The following MUC4 variants were observed in gnomAD, a reference collection of about 807,000 sequenced individuals.
MUC4 encodes mucin-4.
MUC4 carries 202 observed loss-of-function variants against 257.9 expected under a neutral mutation model. The ratio of observed to expected loss-of-function variants is 0.78; its 90% CI spans 0.70 to 0.88. The LOEUF (loss-of-function observed/expected upper bound fraction) is 0.88, where lower values mean the gene tolerates loss of function less well. Ranked by LOEUF, MUC4 falls within the 40% of genes least tolerant of loss-of-function variation. MUC4 has a pLI of 0.00. For synonymous variants in MUC4, 2,351 were observed against 2,757.1 expected (o/e 0.85, Z 4.62); for missense variants, 5,976 against 6,513.7 (o/e 0.92, Z 2.84).
intron 8 of MUC4, 31 bp downstream of exon 8, chr3:195,766,632 C>T: frequency 6.2e-7 from 1 of 1,600,888 alleles, no homozygotes; most frequent in Admixed American, 1.7e-5. Context: ...GGCTTGAGAC[C>T]AGCTCAGGTG....
chr3:195,783,692 G>A lies in MUC4; in HGVS notation c.7888C>T (p.Pro2630Ser). The A allele has an allele frequency of 1.8e-4, 9 of 50,532 alleles. No homozygotes were observed. Among genetic ancestry groups the A allele is most frequent in the South Asian group, 1.1e-3 (8 of 7,438 alleles). 3.1% of individuals were successfully genotyped at this position (50,532 alleles called of 1,614,324 possible). A position where few individuals can be genotyped will look rare whatever the true frequency, so the allele number is the denominator to read the frequency against. ...GDTTPLPVTS[P>S]SSASTGHATP... ...GCGTGACCTGTGGATGCTGAGGAAG[G>A]GCTAGTGACAGGAAGAGGCGTGGTG... The change falls in exon 2 of 25, where the codon CCT becomes TCT. Residue 2630 changes from proline (P) to serine (S), a missense_variant. By Grantham distance (74) the Pro-to-Ser change is moderately conservative (BLOSUM62 -1). Transcript: ENST00000463781.
In MUC4 at chr3:195,787,477, G is replaced by A; in HGVS notation, c.4103C>T (p.Ser1368Leu). The A allele has an allele frequency of 4.1e-6, 3 of 728,796 alleles. No homozygotes were observed. Among genetic ancestry groups the A allele is most frequent in the East Asian group, 3.2e-5 (1 of 31,226 alleles). The allele number at this position is 728,796 out of a possible 1,614,324, so 45.1% of individuals were successfully genotyped here. ...TTPLHVTDAS[S>L]ASTGQATPLP... is the part of the protein sequence containing the mutation. ...AGGGGTGGCCTGACCTGTGGATGCT[G>A]AGGAAGCATCAGTGACATGAAGAGG... Residue 1368 changes from serine to leucine, a missense_variant, in exon 2 of 25, where the codon TCA (serine) becomes TTA (leucine). Coordinates refer to ENST00000463781, the MANE Select transcript of MUC4 (RefSeq NM_018406.7).
At chr3:195,778,196 A>C (rs940322953) in intron 3 of MUC4, 107 bp downstream of exon 3, 19 of 1,378,038 alleles carry the variant, frequency 1.4e-5, no homozygotes, top group Admixed American at 5.2e-5. Context: ...TGTCCTCGGT[A>C]AGGCCCTCCC....
chr3:195,804,152 A>T (rs554433409), intron 1 of MUC4, among the ~76,000 whole-genome samples: 1 of 152,276 alleles, frequency 6.6e-6, no homozygotes, highest in African/African-American at 2.4e-5. Flanking sequence ...TGAGGTAGAG[A>T]CGTTCCCCAC....
rs145026009 is a variant in MUC4, at chr3:195,801,652, G to A, written c.82+10084C>T. ...GCCTCTTCTTTACCACGCACTGCTC[G>A]CTCTGCCCCCACCTCACTCACTTCG... is the stretch of plus-strand genomic sequence containing the variant. On this transcript the variant is annotated intron_variant, in intron 1 of 24. Transcript: ENST00000463781. Among the ~76,000 whole-genome samples the A allele has an allele frequency of 1.1e-4, 16 of 152,106 alleles. No homozygotes were observed. The East Asian group carries it at 2.7e-3, about 26-fold the overall frequency.
intron 4 of MUC4, among the ~76,000 whole-genome samples, chr3:195,773,816 C>G (rs1723731698): frequency 6.6e-6 from 1 of 152,264 alleles, no homozygotes; most frequent in Admixed American, 6.5e-5. Context: ...AGCCTCCTCC[C>G]TCAGGGCCAC....
chr3:195,788,982 C>G lies in MUC4; in HGVS notation c.2598G>C (p.Ser866=). 1.2e-6 allele frequency: 2 copies of G among 1,613,648 alleles called. No homozygotes were observed. The highest frequency in any genetic ancestry group is 1.7e-6 in the Non-Finnish European group (2 of 1,179,778). The change falls in exon 2 of 25, where the codon TCG becomes TCC. Residue 866 remains serine, a synonymous_variant. Coordinates refer to ENST00000463781, the MANE Select transcript of MUC4 (RefSeq NM_018406.7). ...AIPVSTGMAS[S]IVPGTFHPTL... ...TGGGATGAAAGGTGCCGGGGACGAT[C>G]GAAGACGCCATTCCTGTGCTTACTG...
chr3:195,751,134 AG>A, intron 22 of MUC4, 22 bp from the exon 23 acceptor site: 5 of 212,306 alleles, frequency 2.4e-5, no homozygotes, highest in South Asian at 8.0e-5. Flanking sequence ...GGCAACGGTG[AG>A]GGGGGGTGGG....
chr3:195,754,952 G>GTA lies in MUC4; in HGVS notation c.15169-581_15169-580insTA, dbSNP rs145626562. ...TGTATCCATGTATGTATCCATATGT[G>GTA]TGTATCCATGTGTGTATGTATCCAT... On this transcript the variant is annotated intron_variant, in intron 18 of 24. Transcript: ENST00000463781. Among the ~76,000 whole-genome samples the GTA allele has an allele frequency of 2.2e-3, 288 of 129,392 alleles. 1 individual carries two copies. The highest frequency in any genetic ancestry group is 5.9e-3 in the African/African-American group (221 of 37,344). 84.9% of individuals were successfully genotyped at this position (129,392 alleles called of 152,430 possible). A position where few individuals can be genotyped will look rare whatever the true frequency, so the allele number is the denominator to read the frequency against.
rs1289551760 is a variant in MUC4 at position 195,788,696 on chromosome 3, A to T, written c.2884T>A (p.Ser962Thr). 5.6e-6 allele frequency: 9 copies of T among 1,607,274 alleles called. No individual in the cohort carries two copies. Among genetic ancestry groups the T allele is most frequent in the Non-Finnish European group, 7.6e-6 (9 of 1,179,496 alleles). ...AGGGCCGTGGTGAAGGTTTTACCAG[A>T]CCCTGAAGGTGACAGAGTGTGGGTC... ...TETHTLSPSG[S>T]GKTFTTALIS... The change falls in exon 2 of 25, where the codon TCT (serine) becomes ACT (threonine). Residue 962 changes from serine (S) to threonine (T), a missense_variant. Coordinates refer to ENST00000463781, the MANE Select transcript of MUC4 (RefSeq NM_018406.7).
chr3:195,799,337 T>C (rs1735009992), intron 1 of MUC4, among the ~76,000 whole-genome samples: 1 of 152,130 alleles, frequency 6.6e-6, no homozygotes. Context: ...CAGATGGAGT[T>C]TCACTCTTGT....
At chr3:195,808,484 C>A (rs914788566) in intron 1 of MUC4, among the ~76,000 whole-genome samples, 35 of 152,166 alleles carry the variant, frequency 2.3e-4, no homozygotes, top group Non-Finnish European at 1.3e-4. Flanking sequence ...GGGATTACAG[C>A]GTGAGCCACC....
In MUC4 at chr3:195,781,060, A is replaced by G; in HGVS notation, c.10520T>C (p.Val3507Ala). 1 of 1,497,570 alleles carries G rather than the reference A, an allele frequency of 6.7e-7. No homozygotes were observed. Among genetic ancestry groups the G allele is most frequent in the South Asian group, 1.2e-5 (1 of 81,998 alleles). 92.8% of individuals were successfully genotyped at this position (1,497,570 alleles called of 1,614,324 possible). A position where few individuals can be genotyped will look rare whatever the true frequency, so the allele number is the denominator to read the frequency against. ...GGTGGATGCTGAGGAAGCGCCGGTG[A>G]CAGGAAGAGTGCTGGTGTCACCTGT... ...ASTGDTSTLPVTGASSASTGH... is the reference protein window; with the variant it reads ...ASTGDTSTLPATGASSASTGH... Residue 3507 changes from valine to alanine, a missense_variant, in exon 2 of 25, where the codon GTC (valine) becomes GCC (alanine). By Grantham distance (64) the Val-to-Ala change is moderately conservative (BLOSUM62 0). Around this residue, in one of 44 missense-constraint regions of MUC4, gnomAD observed 297 missense variants for 240.9 expected, o/e 1.23. Transcript: ENST00000463781.
intron 21 of MUC4, 47 bp downstream of exon 21, chr3:195,752,326 C>A: frequency 6.6e-7 from 1 of 1,523,638 alleles, no homozygotes; most frequent in Non-Finnish European, 9.1e-7. Flanking sequence ...CTGGCCTGAA[C>A]CCGCCAAGCG....
intron 19 of MUC4, 64 bp from the exon 20 acceptor site, chr3:195,753,294 G>A: frequency 2.0e-6 from 3 of 1,512,492 alleles, no homozygotes; most frequent in Non-Finnish European, 2.7e-6. Context: ...CCCAGCCCGT[G>A]GAAACCCGCT....
Position 195,784,200 on chromosome 3 carries a change from A to T in MUC4, c.7380T>A (p.Gly2460=). 1.3e-6 allele frequency: 2 copies of T among 1,496,130 alleles called. No homozygotes were observed. Among genetic ancestry groups the T allele is most frequent in the African/African-American group, 1.5e-5 (1 of 65,660 alleles). The allele number at this position is 1,496,130 out of a possible 1,614,324, so 92.7% of individuals were successfully genotyped here. A position where few individuals can be genotyped will look rare whatever the true frequency, so the allele number is the denominator to read the frequency against. The change falls in exon 2 of 25, where the codon GGT becomes GGA. Residue 2460 remains glycine (G), a synonymous_variant. Coordinates refer to ENST00000463781, the MANE Select transcript of MUC4 (RefSeq NM_018406.7). ...CGGTGCCAGGAAGAGGGGTGGTGTC[A>T]CCTGTGGATGCTGAGGAAGTGCTGG... ...PVTSTSSAST[G]DTTPLPGTDT...
At chr3:195,776,645 C>A (rs1724835806) in intron 3 of MUC4, among the ~76,000 whole-genome samples, 1 of 38,278 alleles carries the variant, frequency 2.6e-5, no homozygotes, top group African/African-American at 1.9e-4. Context: ...CACAGTCATA[C>A]CTTCCACACC....
chr3:195,788,855 G>A lies in MUC4; in HGVS notation c.2725C>T (p.Gln909Ter), dbSNP rs55697302. 1 of 1,613,660 alleles carries A rather than the reference G, an allele frequency of 6.2e-7. No individual in the cohort carries two copies. The highest frequency in any genetic ancestry group is 8.5e-7 in the Non-Finnish European group (1 of 1,179,838). Residue 909 changes from glutamine to a stop codon, truncating the protein, a stop_gained, in exon 2 of 25, where the codon CAG (glutamine) becomes TAG (stop). Coordinates refer to ENST00000463781, the MANE Select transcript of MUC4 (RefSeq NM_018406.7). LOFTEE classifies it high-confidence loss of function. Reference sequence around the variant, plus strand: ...CTGCTGGTTCTTGTCCTCTGAGTCTGGGCCATCCGGGAAATGGCGGCTGTC... The same window carrying A: ...CTGCTGGTTCTTGTCCTCTGAGTCTAGGCCATCCGGGAAATGGCGGCTGTC... ...QETAAISRMA[Q>*]TQRTRTSRGS...
chr3:195,758,573 C>CTTTTTTTTTTTTTTTTTTTTTT lies in MUC4; in HGVS notation c.14986+550_14986+551insAAAAAAAAAAAAAAAAAAAAAA, dbSNP rs55860315. 1.6e-5 allele frequency among the ~76,000 whole-genome samples: 2 copies of CTTTTTTTTTTTTTTTTTTTTTT among 126,476 alleles called. 1 individual carries two copies. The allele number at this position is 126,476 out of a possible 152,430, so 83.0% of individuals were successfully genotyped here. On this transcript the variant is annotated intron_variant, in intron 17 of 24. Transcript: ENST00000463781. ...GATTGAGATTAAATGATCTTCAAAT[C>CTTTTTTTTTTTTTTTTTTTTTT]TTTTTTTTGAGACAGAGTCTCGCTC...
Sources: gnomAD v4.1 joint callset for allele counts (sites outside exome capture counted in the v4.1 genomes callset) on GRCh38, gnomAD v4.1.1 for gene constraint, gnomAD v4.1.1 regional missense constraint, MANE v1.5 for transcripts, NCBI Gene and HGNC (gene_info 2026-07-23, HGNC 2026-07-21) for gene names.